The following MYRF variants were observed in gnomAD, a reference collection of about 807,000 sequenced individuals.
MYRF encodes myelin regulatory factor.
In MYRF, 16 loss-of-function variants were observed where a neutral mutation model predicts 126.3. The ratio of observed to expected loss-of-function variants is 0.13; its 90% CI spans 0.09 to 0.19. MYRF has a LOEUF of 0.19. Ranked by LOEUF, MYRF falls within the 10% of genes least tolerant of loss-of-function variation. The pLI, the probability that MYRF is intolerant of heterozygous loss-of-function variation, is 1.00. For synonymous variants in MYRF, 608 were observed against 635.3 expected, an observed-to-expected ratio of 0.96 and a Z score of 0.65; for missense variants, 1,104 against 1,547.0, an observed-to-expected ratio of 0.71 and a Z score of 4.80.
chr11:61,775,843 T>C (rs1455806050), intron 8 of MYRF, among the ~76,000 whole-genome samples: 2 of 140,464 alleles, frequency 1.4e-5, no homozygotes, highest in Non-Finnish European at 3.1e-5. Flanking sequence ...TGGTATGCTG[T>C]GAGGGGTGAG....
At chr11:61,784,476 C>T in intron 25 of MYRF, 91 bp downstream of exon 25, 1 of 1,055,184 alleles carries the variant, frequency 9.5e-7, no homozygotes, top group South Asian at 1.4e-5. Flanking sequence ...GGAGCAGAAG[C>T]TGGGAGTTAT....
chr11:61,778,237 C>T lies in MYRF; in HGVS notation c.1904-143C>T. 2 of 658,928 alleles carry T rather than the reference C, an allele frequency of 3.0e-6. No individual in the cohort carries two copies. Among genetic ancestry groups the T allele is most frequent in the Non-Finnish European group, 2.7e-6 (1 of 364,214 alleles). The allele number at this position is 658,928 out of a possible 1,614,324, so 40.8% of individuals were successfully genotyped here. ...CTGTGAACACTGGTTCGTGGGATCT[C>T]CCTGCTCCAGGGCTCCTTGGAATCC... On this transcript the variant is annotated intron_variant, in intron 13 of 26. Coordinates refer to ENST00000278836, the MANE Select transcript of MYRF (RefSeq NM_001127392.3). This position sits in a 1 kb window ranked among gnomAD's most constrained non-coding sequence, Gnocchi z 4.6.
At chr11:61,764,862 G>A (rs773406847) in intron 1 of MYRF, among the ~76,000 whole-genome samples, 2 of 152,350 alleles carry the variant, frequency 1.3e-5, no homozygotes, top group Admixed American at 6.5e-5. Context: ...GAGCTCTGGC[G>A]GCCATCATTC....
intron 14 of MYRF, 25 bp from the exon 15 acceptor site, chr11:61,779,238 G>T (rs1165698443): frequency 8.5e-6 from 13 of 1,532,604 alleles, no homozygotes; most frequent in African/African-American, 2.7e-5. Context: ...TTGGCCCATG[G>T]CCCATGGCCC....
At chr11:61,774,973 G>A (rs900291992) in intron 8 of MYRF, among the ~76,000 whole-genome samples, 1 of 152,154 alleles carries the variant, frequency 6.6e-6, no homozygotes, top group African/African-American at 2.4e-5. Context: ...CTCAGGGAAT[G>A]GGGCGCAGGG....
chr11:61,754,733 A>G (rs2065698438), intron 1 of MYRF, among the ~76,000 whole-genome samples: 1 of 152,064 alleles, frequency 6.6e-6, no homozygotes, highest in African/African-American at 2.4e-5. Flanking sequence ...AGATAAGAGG[A>G]GACTCAAGAA....
chr11:61,776,739 G>C lies in MYRF; in HGVS notation c.1500-48G>C. 6.9e-7 allele frequency: 1 copy of C among 1,450,366 alleles called. No individual in the cohort carries two copies. The highest frequency in any genetic ancestry group is 9.4e-7 in the Non-Finnish European group (1 of 1,063,760). The allele number at this position is 1,450,366 out of a possible 1,614,324, so 89.8% of individuals were successfully genotyped here. A position where few individuals can be genotyped will look rare whatever the true frequency, so the allele number is the denominator to read the frequency against. ...TCTGGCCAGGGAAAGGGTGGCCCTG[G>C]GGGCGGGGGCAGGCCATGAGTACTT... is the stretch of plus-strand genomic sequence containing the variant. On this transcript the variant is annotated intron_variant, in intron 10 of 26. Coordinates refer to ENST00000278836, the MANE Select transcript of MYRF (RefSeq NM_001127392.3). The surrounding 1 kb of genome is among the most constrained non-coding windows in gnomAD (Gnocchi z 4.3).
chr11:61,779,087 T>C, intron 14 of MYRF, 176 bp from the exon 15 acceptor site: 1 of 665,574 alleles, frequency 1.5e-6, no homozygotes, highest in Non-Finnish European at 2.6e-6. Context: ...ACAGGAGCTG[T>C]GGGAGCCGAG....
chr11:61,784,126 G>T, intron 24 of MYRF, 154 bp from the exon 25 acceptor site: 1 of 954,510 alleles, frequency 1.0e-6, no homozygotes. Flanking sequence ...CACATGGGAT[G>T]GTCGATGGGA....
At position 61,769,940 on chromosome 11, in the gene MYRF, C is replaced by T. The variant is rs367707830; in HGVS notation, c.461-306C>T. Among the ~76,000 whole-genome samples, 4 of 151,994 alleles carry T rather than the reference C, an allele frequency of 2.6e-5. No homozygotes were observed. The East Asian group carries it at 7.8e-4, about 30-fold the overall frequency. On this transcript the variant is annotated intron_variant, in intron 4 of 26. Coordinates refer to ENST00000278836, the MANE Select transcript of MYRF (RefSeq NM_001127392.3). Reference sequence around the variant, plus strand: ...TCCTGAGGCCCAGAGGAGGAGCAGGCCTCAGAGGAGATGGGGACGGAGGGG... The same window carrying T: ...TCCTGAGGCCCAGAGGAGGAGCAGGTCTCAGAGGAGATGGGGACGGAGGGG...
At chr11:61,773,040 C>G (rs1260867915) in intron 7 of MYRF, among the ~76,000 whole-genome samples, 1 of 146,994 alleles carries the variant, frequency 6.8e-6, no homozygotes, top group Non-Finnish European at 1.5e-5. Context: ...GGGTCTTGCT[C>G]TGTTGCCCAG....
chr11:61,777,887 A>G lies in MYRF; in HGVS notation c.1903+42A>G. The G allele has an allele frequency of 6.7e-7, 1 of 1,491,870 alleles. No homozygotes were observed. The highest frequency in any genetic ancestry group is 1.2e-5 in the South Asian group (1 of 82,914). 92.4% of individuals were successfully genotyped at this position (1,491,870 alleles called of 1,614,324 possible). A position where few individuals can be genotyped will look rare whatever the true frequency, so the allele number is the denominator to read the frequency against. ...TGCGGACTGGGGTCCGGAAACCCAG[A>G]AACCTCGGGCCTCAGTGACCTTGCC... On this transcript the variant is annotated intron_variant, in intron 13 of 26. Transcript: ENST00000278836. This position sits in a 1 kb window ranked among gnomAD's most constrained non-coding sequence, Gnocchi z 8.8.
chr11:61,784,246 A>G (rs2066631164), intron 24 of MYRF, 34 bp from the exon 25 acceptor site: 1 of 1,598,764 alleles, frequency 6.3e-7, no homozygotes, highest in Non-Finnish European at 8.6e-7. Flanking sequence ...GGACTCTAGA[A>G]CCTCATTTCT....
rs1230546867 is a variant in MYRF at position 61,769,269 on chromosome 11, G to A, written c.408G>A (p.Pro136=). The change falls in exon 4 of 27, where the codon CCG becomes CCA. Residue 136 remains proline, a synonymous_variant. Coordinates refer to ENST00000278836, the MANE Select transcript of MYRF (RefSeq NM_001127392.3). ...PKAPYAPGTL[P]DSPPDSGSEA... is the part of the protein sequence containing the mutation. The stretch of plus-strand genomic sequence containing the variant: ...CCCCTGGCTCTCGCAGCACACTGCC[G>A]GACTCTCCCCCAGACTCGGGCTCCG... 1.4e-5 allele frequency: 23 copies of A among 1,604,662 alleles called. No individual in the cohort carries two copies. Among genetic ancestry groups the A allele is most frequent in the African/African-American group, 5.4e-5 (4 of 74,762 alleles).
Position 61,777,024 on chromosome 11 carries a change from C to A in MYRF, c.1590+147C>A. ...GTGTGGCCTTGGGCAAAGCTCCCAC[C>A]CTCTCTGGGCTGCAGGGTCTCCACA... On this transcript the variant is annotated intron_variant, in intron 11 of 26. Transcript: ENST00000278836. The surrounding 1 kb of genome is among the most constrained non-coding windows in gnomAD (Gnocchi z 8.8). 1 of 828,374 alleles carries A rather than the reference C, an allele frequency of 1.2e-6. No individual in the cohort carries two copies. Among genetic ancestry groups the A allele is most frequent in the Non-Finnish European group, 1.9e-6 (1 of 538,258 alleles). 51.3% of individuals were successfully genotyped at this position (828,374 alleles called of 1,614,324 possible). A position where few individuals can be genotyped will look rare whatever the true frequency, so the allele number is the denominator to read the frequency against.
chr11:61,758,319 G>A (rs1402215343), intron 1 of MYRF, among the ~76,000 whole-genome samples: 3 of 152,128 alleles, frequency 2.0e-5, no homozygotes, highest in Non-Finnish European at 4.4e-5. Flanking sequence ...ATCTCCCTCC[G>A]GCCTCCCTCA....
Position 61,770,345 on chromosome 11 carries a change from G to GCCCCCCCCCCCCCCCCCCCCC in MYRF, c.566_567insCCCCCCCCCCCCCCCCCCCCC (p.Pro190_Pro196dup). The GCCCCCCCCCCCCCCCCCCCCC allele has an allele frequency of 6.6e-7, 1 of 1,504,830 alleles. No individual in the cohort carries two copies. The highest frequency in any genetic ancestry group is 9.0e-7 in the Non-Finnish European group (1 of 1,109,490). 93.2% of individuals were successfully genotyped at this position (1,504,830 alleles called of 1,614,324 possible). On this transcript the variant is annotated inframe_insertion, in exon 5 of 27. Coordinates refer to ENST00000278836, the MANE Select transcript of MYRF (RefSeq NM_001127392.3). ...CCCCCACCTCCAGCCCACTTGCCAG[G>GCCCCCCCCCCCCCCCCCCCCC]CCCCCCGCCACCCCCACCACCCCCA...
chr11:61,778,515 A>G lies in MYRF; in HGVS notation c.2013+26A>G. 1 of 1,547,156 alleles carries G rather than the reference A, an allele frequency of 6.5e-7. No homozygotes were observed. The highest frequency in any genetic ancestry group is 1.1e-5 in the South Asian group (1 of 89,774). On this transcript the variant is annotated intron_variant, in intron 14 of 26. Transcript: ENST00000278836. The surrounding 1 kb of genome is among the most constrained non-coding windows in gnomAD (Gnocchi z 4.6). ...GTCTGTGGGTGGGGGAATGGGAGGG[A>G]GCCCAGAGGCAAGTGGGGAGCCAGC...
chr11:61,780,858 CCTCT>C, intron 19 of MYRF, 66 bp downstream of exon 19: 1 of 1,573,276 alleles, frequency 6.4e-7, no homozygotes, highest in Non-Finnish European at 8.6e-7. Context: ...CCCTCCCCTC[CCTCT>C]CTGCCTCTTC....
Sources: gnomAD v4.1 joint callset for allele counts (sites outside exome capture counted in the v4.1 genomes callset) on GRCh38, gnomAD v4.1.1 for gene constraint, Gnocchi (gnomAD v3.1) non-coding constraint, MANE v1.5 for transcripts, NCBI Gene and HGNC (gene_info 2026-07-23, HGNC 2026-07-21) for gene names.